IFI27: variants seen among roughly 807,000 people sequenced by gnomAD.
IFI27 encodes the protein interferon alpha inducible protein 27.
A neutral mutation model predicts 8.9 loss-of-function variants in IFI27; 3 were observed. The observed-to-expected ratio is 0.34, with a 90% CI of 0.15 to 0.87. IFI27 has a LOEUF of 0.87. IFI27 is among the 40% of genes least tolerant of loss of function. IFI27 has a pLI of 0.51. For synonymous variants in IFI27, 66 were observed against 67.3 expected (o/e 0.98, Z 0.09); for missense variants, 152 against 157.7 (o/e 0.96, Z 0.19).
chr14:94,113,853 T>C (rs8007982), intron 2 of IFI27: 68,290 of 152,332 alleles, frequency 0.45, 16,246 homozygotes, highest in Non-Finnish European at 0.55. Flanking sequence ...CTGCGTCTCT[T>C]TACTTCCTCC....
chr14:94,115,584 C>T lies in IFI27; in HGVS notation c.122-197C>T. ...GGCCCAGAGCCCTGTGCCCAGTGAC[C>T]CCACTAGCTTTTCCCTCTACTTTCC... On this transcript the variant is annotated intron_variant, in intron 3 of 4. Coordinates refer to ENST00000621160, the Ensembl canonical transcript of IFI27. The T allele has an allele frequency of 1.9e-5, 12 of 623,658 alleles. No homozygotes were observed. In the South Asian group the frequency reaches 2.2e-4, roughly 11 times the overall value. 38.6% of individuals were successfully genotyped at this position (623,658 alleles called of 1,614,324 possible). A position where few individuals can be genotyped will look rare whatever the true frequency, so the allele number is the denominator to read the frequency against.
chr14:94,115,543 C>G, intron 3 of IFI27: 1 of 609,818 alleles, frequency 1.6e-6, no homozygotes, highest in South Asian at 2.0e-5. Context: ...GAAGGTCCTG[C>G]TGCCCAGAAG....
chr14:94,115,634 T>G, intron 3 of IFI27, 147 bp from the exon 4 acceptor site: 2 of 764,776 alleles, frequency 2.6e-6, no homozygotes, highest in Non-Finnish European at 2.1e-6. Context: ...TCCCCTTGAT[T>G]CGTGCCTATT....
chr14:94,107,914 A>C (rs543683944), upstream of IFI27, among the ~76,000 whole-genome samples: 2 of 152,150 alleles, frequency 1.3e-5, no homozygotes, highest in African/African-American at 2.4e-5. Flanking sequence ...ATAGGTATAC[A>C]TGTGCTACGT....
intron 2 of IFI27, chr14:94,114,529 TTTTG>T: frequency 2.6e-6 from 1 of 392,078 alleles, no homozygotes; most frequent in East Asian, 4.2e-5. Context: ...TCATTCTGCT[TTTTG>T]TTTGAGCTAA....
chr14:94,109,122 C>T (rs1249103993), upstream of IFI27, among the ~76,000 whole-genome samples: 1 of 151,914 alleles, frequency 6.6e-6, no homozygotes, highest in African/African-American at 2.4e-5. Context: ...GGTGAAACCC[C>T]ATCTCTACTA....
chr14:94,112,580 A>G (rs930983707), intron 2 of IFI27, among the ~76,000 whole-genome samples: 1 of 152,206 alleles, frequency 6.6e-6, no homozygotes, highest in African/African-American at 2.4e-5. Context: ...CTCCGCCAGC[A>G]CAAATGGCAC....
At chr14:94,106,437 G>A (rs1887016035), upstream of IFI27, among the ~76,000 whole-genome samples, 1 of 152,140 alleles carries the variant, frequency 6.6e-6, no homozygotes, top group Admixed American at 6.5e-5. Flanking sequence ...CCCACCAACA[G>A]TGTGCAATGG....
chr14:94,108,714 A>T (rs1453957384), upstream of IFI27, among the ~76,000 whole-genome samples: 1 of 151,966 alleles, frequency 6.6e-6, no homozygotes, highest in Non-Finnish European at 1.5e-5. Flanking sequence ...GGCTTAAACT[A>T]GTTGAACCAA....
intron 2 of IFI27, chr14:94,112,808 TG>T (rs1887242316): frequency 6.6e-6 from 1 of 152,486 alleles, no homozygotes; most frequent in South Asian, 2.1e-4. Flanking sequence ...TTTTGCAACT[TG>T]GAGGTAACTG....
At position 94,111,232 on chromosome 14, in the gene IFI27, T is replaced by G. The variant is rs138321727; in HGVS notation, c.-58-393T>G. Among the ~76,000 whole-genome samples, 17 of 152,290 alleles carry G rather than the reference T, an allele frequency of 1.1e-4. No homozygotes were observed. In the East Asian group the frequency reaches 3.3e-3, roughly 29 times the overall value. Reference sequence around the variant, plus strand: ...CATCTTTTTCACGTTAGTGAGGAGATTACATAAGAGCAGGCACCTCGCCTG... The same window carrying G: ...CATCTTTTTCACGTTAGTGAGGAGAGTACATAAGAGCAGGCACCTCGCCTG... On this transcript the variant is annotated intron_variant, in intron 1 of 4. Coordinates refer to ENST00000621160, the Ensembl canonical transcript of IFI27. The surrounding 1 kb of genome is among the most constrained non-coding windows in gnomAD (Gnocchi z 4.3).
chr14:94,116,459 G>C lies in IFI27; in HGVS notation c.301G>C (p.Gly101Arg). 1.2e-6 allele frequency: 2 copies of C among 1,612,912 alleles called. No individual in the cohort carries two copies. The highest frequency in any genetic ancestry group is 1.7e-6 in the Non-Finnish European group (2 of 1,179,496). The change falls in exon 5 of 5, where the codon GGA (glycine) becomes CGA (arginine). Residue 101 changes from glycine to arginine, a missense_variant. Gly to Arg is a moderately radical substitution (Grantham distance 125). Coordinates refer to ENST00000621160, the Ensembl canonical transcript of IFI27. This position sits in a 1 kb window ranked among gnomAD's most constrained non-coding sequence, Gnocchi z 4.3. ...CTTCCCAGGAGCAACTGGACTCTCC[G>C]GATTGACCAAGTTCATCCTGGGCTC...
Position 94,111,720 on chromosome 14 carries a change from G to A in IFI27, c.38G>A (p.Ser13Asn). The change falls in exon 2 of 5, where the codon AGT becomes AAT. Residue 13 changes from serine (S) to asparagine (N), a missense_variant. Transcript: ENST00000621160. The surrounding 1 kb of genome is among the most constrained non-coding windows in gnomAD (Gnocchi z 4.3). ...GCTCTCACCTCATCAGCAGTGACCAGTGTGGCCAAAGTGGTCAGGGTGGCC... is the reference window on the plus strand; with the variant it reads ...GCTCTCACCTCATCAGCAGTGACCAATGTGGCCAAAGTGGTCAGGGTGGCC... 1.2e-6 allele frequency: 2 copies of A among 1,614,242 alleles called. No homozygotes were observed. The highest frequency in any genetic ancestry group is 2.2e-5 in the South Asian group (2 of 91,092).
chr14:94,115,869 G>A (rs770762104), exon 4 of IFI27: 1 of 1,601,760 alleles, frequency 6.2e-7, no homozygotes, highest in African/African-American at 1.3e-5. Context: ...CAGCCAAGAT[G>A]ATGTCCGCGG....
In IFI27 at chr14:94,116,062, A is replaced by C; in HGVS notation, c.283+120A>C. 9.3e-7 allele frequency: 1 copy of C among 1,071,536 alleles called. No homozygotes were observed. The highest frequency in any genetic ancestry group is 2.6e-5 in the East Asian group (1 of 38,842). 66.4% of individuals were successfully genotyped at this position (1,071,536 alleles called of 1,614,324 possible). A position where few individuals can be genotyped will look rare whatever the true frequency, so the allele number is the denominator to read the frequency against. On this transcript the variant is annotated intron_variant, in intron 4 of 4. Coordinates refer to ENST00000621160, the Ensembl canonical transcript of IFI27. This position sits in a 1 kb window ranked among gnomAD's most constrained non-coding sequence, Gnocchi z 4.3. The stretch of plus-strand genomic sequence containing the variant: ...TCCCTGTTCCTCTGTCTCTCTCTAC[A>C]CATTCTCTCAGGGTTTCTCTGAGGG...
In IFI27 at chr14:94,114,361, G is replaced by T. The variant is rs116013772; in HGVS notation, c.92-490G>T. 2.8e-3 allele frequency: 451 copies of T among 162,346 alleles called. 1 individual carries two copies. Among genetic ancestry groups the T allele is most frequent in the African/African-American group, 0.01 (428 of 41,852 alleles). 10.1% of individuals were successfully genotyped at this position (162,346 alleles called of 1,614,324 possible). On this transcript the variant is annotated intron_variant, in intron 2 of 4. Transcript: ENST00000621160. The stretch of plus-strand genomic sequence containing the variant: ...TGACCCTGCTTCGGATGAGCTAACA[G>T]CCCTGCTCAGAAAGCATGACACCCA...
chr14:94,107,066 T>G (rs1033281490), upstream of IFI27, among the ~76,000 whole-genome samples: 2 of 148,544 alleles, frequency 1.3e-5, no homozygotes, highest in African/African-American at 5.2e-5. Context: ...TATATATCAT[T>G]TATTATTATT....
chr14:94,110,759 G>C (rs1887147984), exon 1 of IFI27: 1 of 152,340 alleles, frequency 6.6e-6, no homozygotes, highest in South Asian at 2.1e-4. Flanking sequence ...TTAAGACGGT[G>C]AGGTCAGCTT....
At chr14:94,109,835 A>G (rs1191913513), upstream of IFI27, among the ~76,000 whole-genome samples, 3 of 152,238 alleles carry the variant, frequency 2.0e-5, no homozygotes, top group Non-Finnish European at 4.4e-5. Flanking sequence ...TTAAATGTAC[A>G]TTCCAGGACC....
Sources: allele counts gnomAD v4.1 joint callset (sites outside exome capture counted in the v4.1 genomes callset), GRCh38; gene constraint gnomAD v4.1.1; non-coding constraint Gnocchi (gnomAD v3.1); transcripts MANE v1.5; gene names NCBI Gene and HGNC (gene_info 2026-07-23, HGNC 2026-07-21).